Variants in PLD5 observed in about 807,000 individuals in gnomAD.
The protein encoded by PLD5 is phospholipase D family member 5.
In PLD5, 36 loss-of-function variants were observed where a neutral mutation model predicts 61.1. That is an observed-to-expected ratio of 0.59 (90% confidence interval 0.45 to 0.78). The LOEUF (loss-of-function observed/expected upper bound fraction) is 0.78, where lower values mean the gene tolerates loss of function less well. Among genes scored for constraint, PLD5 ranks in the 30% least tolerant of loss-of-function variants. The pLI, the probability that PLD5 is intolerant of heterozygous loss-of-function variation, is 0.00. For synonymous variants in PLD5, 243 were observed against 242.8 expected, an observed-to-expected ratio of 1.00 and a Z score of -0.01; for missense variants, 515 against 644.4, an observed-to-expected ratio of 0.80 and a Z score of 2.17.
intron 1 of PLD5, among the ~76,000 whole-genome samples, chr1:242,380,448 T>C (rs758815266): frequency 6.6e-6 from 1 of 152,194 alleles, no homozygotes; most frequent in Non-Finnish European, 1.5e-5. Flanking sequence ...ATGGAAAATA[T>C]TATTTAGAAA....
At chr1:242,182,882 C>G (rs1667614108) in intron 5 of PLD5, among the ~76,000 whole-genome samples, 1 of 151,944 alleles carries the variant, frequency 6.6e-6, no homozygotes, top group Non-Finnish European at 1.5e-5. Flanking sequence ...ATAAAAAAGC[C>G]AATCATAGTA....
intron 2 of PLD5, among the ~76,000 whole-genome samples, chr1:242,296,624 C>T (rs1675674153): frequency 6.6e-6 from 1 of 152,152 alleles, no homozygotes; most frequent in Non-Finnish European, 1.5e-5. Context: ...TTCACTTTTT[C>T]CCCAAGACTT....
intron 1 of PLD5, among the ~76,000 whole-genome samples, chr1:242,359,185 C>T (rs1455852331): frequency 1.3e-5 from 2 of 152,140 alleles, no homozygotes; most frequent in African/African-American, 4.8e-5. Flanking sequence ...TCGTTGTGAC[C>T]CCAGGTGATC....
intron 1 of PLD5, among the ~76,000 whole-genome samples, chr1:242,427,446 A>G (rs550068156): frequency 1.3e-5 from 2 of 152,344 alleles, no homozygotes; most frequent in South Asian, 4.1e-4. Context: ...ACAAGCATCA[A>G]GTCTTGTAAA....
At chr1:242,117,509 G>A (rs2148714518) in intron 6 of PLD5, among the ~76,000 whole-genome samples, 1 of 151,930 alleles carries the variant, frequency 6.6e-6, no homozygotes, top group Admixed American at 6.6e-5. Context: ...AGCCTCCTGA[G>A]TAGCTGGGAT....
intron 1 of PLD5, among the ~76,000 whole-genome samples, chr1:242,384,438 A>G (rs1662479692): frequency 6.6e-6 from 1 of 152,240 alleles, no homozygotes; most frequent in African/African-American, 2.4e-5. Context: ...TGGTATTCAT[A>G]GTCACATCAA....
In PLD5 at chr1:242,258,765, A is replaced by C. The variant is rs150405701; in HGVS notation, c.607+6572T>G. 2.0e-5 allele frequency among the ~76,000 whole-genome samples: 3 copies of C among 152,192 alleles called. No individual in the cohort carries two copies. The East Asian group carries it at 5.8e-4, about 29-fold the overall frequency. ...TTCTGATTAGAGACAACAGTAATGC[A>C]TTCTGTTTCTTAAAGCTACATAGCA... On this transcript the variant is annotated intron_variant, in intron 4 of 9. Coordinates refer to ENST00000536534, the MANE Select transcript of PLD5 (RefSeq NM_001372062.1).
intron 1 of PLD5, among the ~76,000 whole-genome samples, chr1:242,384,037 G>A (rs149064087): frequency 1.7e-3 from 261 of 152,268 alleles, no homozygotes; most frequent in African/African-American, 6.0e-3. Context: ...CGCTGACTTC[G>A]GCAACGGCTG....
At chr1:242,460,677 T>C (rs1295253290) in intron 1 of PLD5, among the ~76,000 whole-genome samples, 1 of 152,026 alleles carries the variant, frequency 6.6e-6, no homozygotes, top group Non-Finnish European at 1.5e-5. Context: ...GTAATGGGGC[T>C]GTGAAAAGGT....
chr1:242,469,771 G>A (rs191147075), intron 1 of PLD5, among the ~76,000 whole-genome samples: 17 of 152,206 alleles, frequency 1.1e-4, no homozygotes, highest in Admixed American at 6.5e-4. Flanking sequence ...GAACATGCAC[G>A]AACCCCTGCC....
chr1:242,162,283 A>G (rs530115946), intron 5 of PLD5, among the ~76,000 whole-genome samples: 1 of 152,314 alleles, frequency 6.6e-6, no homozygotes, highest in African/African-American at 2.4e-5. Flanking sequence ...TCCTCCAGAT[A>G]AACTGGAAGC....
chr1:242,488,766 T>C (rs1005888128), intron 1 of PLD5, among the ~76,000 whole-genome samples: 1 of 152,136 alleles, frequency 6.6e-6, no homozygotes, highest in Non-Finnish European at 1.5e-5. Flanking sequence ...TATTGGCTCT[T>C]CAATTACAAC....
chr1:242,326,296 A>G (rs1461726235), intron 2 of PLD5, among the ~76,000 whole-genome samples: 3 of 151,768 alleles, frequency 2.0e-5, no homozygotes, highest in Non-Finnish European at 2.9e-5. Flanking sequence ...AAGTATATGC[A>G]TACTAAAGAT....
chr1:242,296,408 T>C (rs1298739405), intron 2 of PLD5, among the ~76,000 whole-genome samples: 3 of 152,230 alleles, frequency 2.0e-5, no homozygotes, highest in East Asian at 1.9e-4. Flanking sequence ...ATTTTTGGTT[T>C]TGTTACATTT....
chr1:242,303,997 C>T (rs1165121628), intron 2 of PLD5, among the ~76,000 whole-genome samples: 2 of 152,128 alleles, frequency 1.3e-5, no homozygotes, highest in Non-Finnish European at 2.9e-5. Context: ...TGTACCCCAC[C>T]GACACCAGCT....
chr1:242,205,914 T>G (rs1669287421), intron 5 of PLD5, among the ~76,000 whole-genome samples: 1 of 152,338 alleles, frequency 6.6e-6, no homozygotes. Context: ...AAAGGTGCTT[T>G]AAGCACTAGC....
chr1:242,136,961 G>A (rs1663781912), intron 5 of PLD5, among the ~76,000 whole-genome samples: 1 of 152,224 alleles, frequency 6.6e-6, no homozygotes, highest in Non-Finnish European at 1.5e-5. Context: ...ACAGGGATAG[G>A]TGTGTGGGGC....
intron 1 of PLD5, among the ~76,000 whole-genome samples, chr1:242,456,998 A>G (rs1666963858): frequency 6.6e-6 from 1 of 152,246 alleles, no homozygotes; most frequent in Admixed American, 6.5e-5. Flanking sequence ...GCTGCCGAGA[A>G]CACTCTCGCT....
At chr1:242,447,357 GA>G (rs1354803602) in intron 1 of PLD5, among the ~76,000 whole-genome samples, 1 of 152,166 alleles carries the variant, frequency 6.6e-6, no homozygotes, top group Non-Finnish European at 1.5e-5. Flanking sequence ...TCCTGGGTAA[GA>G]AAACTGATCA....
Sources: allele counts gnomAD v4.1 joint callset (sites outside exome capture counted in the v4.1 genomes callset), GRCh38; gene constraint gnomAD v4.1.1; transcripts MANE v1.5; gene names NCBI Gene and HGNC (gene_info 2026-07-23, HGNC 2026-07-21).